PCDHA1: variants seen among roughly 807,000 people sequenced by gnomAD.
PCDHA1 encodes the protein protocadherin alpha 1, also known as protocadherin alpha-1.
Under a neutral mutation model 61.3 loss-of-function variants are expected in PCDHA1, and 42 were observed. That is an observed-to-expected ratio of 0.69 (90% confidence interval 0.54 to 0.89). The LOEUF (loss-of-function observed/expected upper bound fraction) is 0.89, where lower values mean the gene tolerates loss of function less well. Among genes scored for constraint, PCDHA1 ranks in the 40% least tolerant of loss-of-function variants. The pLI is 0.00. For synonymous variants in PCDHA1, 610 were observed against 553.8 expected (o/e 1.10, Z -1.43); for missense variants, 1,256 against 1,235.3 (o/e 1.02, Z -0.25).
intron 1 of PCDHA1, chr5:140,876,735 T>C (rs782576636): frequency 2.0e-5 from 33 of 1,614,084 alleles, no homozygotes; most frequent in Non-Finnish European, 2.7e-5. Context: ...TGTCGGCCTA[T>C]GAGCTGGTGG....
At chr5:140,902,540 C>T (rs2069538388) in intron 1 of PCDHA1, among the ~76,000 whole-genome samples, 1 of 151,900 alleles carries the variant, frequency 6.6e-6, no homozygotes, top group South Asian at 2.1e-4. Context: ...GAGGTATGTT[C>T]CTTCTATACC....
rs935200517 is a variant in PCDHA1, at chr5:140,786,533, T to C, written c.243T>C (p.Asn81=). The change falls in exon 1 of 4, where the codon AAT becomes AAC. Residue 81 remains asparagine, a synonymous_variant. Transcript: ENST00000504120. ...ACCTTCTGGAGGTAAATCTGCAGAA[T>C]GGCATTTTGTTTGTGAATTCTCGGA... ...HRDLLEVNLQ[N]GILFVNSRID... is the part of the protein sequence containing the mutation. 4 of 1,614,066 alleles carry C rather than the reference T, an allele frequency of 2.5e-6. No homozygotes were observed. The East Asian group carries it at 8.9e-5, about 36-fold the overall frequency.
In PCDHA1 at chr5:140,858,397, C is replaced by T. The variant is rs781916951; in HGVS notation, c.2394+69713C>T. On this transcript the variant is annotated intron_variant, in intron 1 of 3. Coordinates refer to ENST00000504120, the MANE Select transcript of PCDHA1 (RefSeq NM_018900.4). ...CACCATGCCCAATGGTAGATGTGGA[C>T]GGGGAAGATCAGTCTATTGGAGGGG... is the stretch of plus-strand genomic sequence containing the variant. 2.5e-6 allele frequency: 4 copies of T among 1,573,184 alleles called. No individual in the cohort carries two copies. In the South Asian group the frequency reaches 4.5e-5, roughly 18 times the overall value.
rs1554168160 is a variant in PCDHA1 at position 140,875,992 on chromosome 5, CT to C, written c.2394+87309del. 5 of 1,613,752 alleles carry C rather than the reference CT, an allele frequency of 3.1e-6. No homozygotes were observed. In the Admixed American group the frequency reaches 8.3e-5, roughly 27 times the overall value. On this transcript the variant is annotated intron_variant, in intron 1 of 3. Transcript: ENST00000504120. ...CTCTCTTTTGACCTATGCGTTAAGT[CT>C]AAATGAGAATTTTGAGCTTAAAATA...
chr5:140,967,986 C>A, intron 1 of PCDHA1: 1 of 1,614,226 alleles, frequency 6.2e-7, no homozygotes, highest in Non-Finnish European at 8.5e-7. Flanking sequence ...CTGGAGGCCA[C>A]ACTGCCTTTC....
chr5:140,872,861 C>T (rs1554166414), intron 1 of PCDHA1, among the ~76,000 whole-genome samples: 1 of 152,182 alleles, frequency 6.6e-6, no homozygotes, highest in African/African-American at 2.4e-5. Context: ...TGAGTACCTA[C>T]TGACAATTAT....
chr5:140,968,134 G>C, intron 1 of PCDHA1: 1 of 1,614,146 alleles, frequency 6.2e-7, no homozygotes, highest in Non-Finnish European at 8.5e-7. Context: ...GTACACTGAA[G>C]GTTGAGATCT....
intron 1 of PCDHA1, chr5:140,801,634 G>T (rs781799825): frequency 1.9e-6 from 3 of 1,614,002 alleles, no homozygotes; most frequent in South Asian, 2.2e-5. Flanking sequence ...TCCGAATCCC[G>T]ACAGCCTGGC....
At chr5:140,815,346 G>A (rs2126663350) in intron 1 of PCDHA1, 1 of 151,614 alleles carries the variant, frequency 6.6e-6, no homozygotes, top group Non-Finnish European at 1.5e-5. Flanking sequence ...GTTTTCTTTT[G>A]TATATCTTCC....
At chr5:140,825,720 C>T (rs1554130338) in intron 1 of PCDHA1, 1 of 152,170 alleles carries the variant, frequency 6.6e-6, no homozygotes, top group African/African-American at 2.4e-5. Flanking sequence ...TCGCGCCTGG[C>T]CTAAATTATT....
intron 1 of PCDHA1, chr5:140,824,167 T>G: frequency 6.2e-7 from 1 of 1,610,732 alleles, no homozygotes; most frequent in Non-Finnish European, 8.5e-7. Flanking sequence ...TCCCTCCCAA[T>G]TTTCAAATAT....
chr5:140,982,331 G>A lies in PCDHA1; in HGVS notation c.2454-144G>A, dbSNP rs1422921231. On this transcript the variant is annotated intron_variant, in intron 2 of 3. Coordinates refer to ENST00000504120, the MANE Select transcript of PCDHA1 (RefSeq NM_018900.4). ...GCAGTTTATGCAGGGTGACTGCTCA[G>A]CAGTAATTGCTTCAGTTCAAGCATG... The A allele has an allele frequency of 6.3e-6, 9 of 1,431,750 alleles. No individual in the cohort carries two copies. In the Admixed American group the frequency reaches 1.6e-4, roughly 26 times the overall value. 88.7% of individuals were successfully genotyped at this position (1,431,750 alleles called of 1,614,324 possible).
At chr5:140,946,588 A>G (rs2093966025) in intron 1 of PCDHA1, among the ~76,000 whole-genome samples, 1 of 147,134 alleles carries the variant, frequency 6.8e-6, no homozygotes, top group South Asian at 2.1e-4. Context: ...TTCATAGTGG[A>G]TGAATAGATA....
intron 1 of PCDHA1, chr5:140,927,761 G>C (rs1554205028): frequency 6.2e-7 from 1 of 1,614,102 alleles, no homozygotes. Flanking sequence ...CACCCTAAAA[G>C]TGGGGAGGTG....
intron 3 of PCDHA1, among the ~76,000 whole-genome samples, chr5:140,992,036 TG>T (rs2097488420): frequency 6.6e-6 from 1 of 151,818 alleles, no homozygotes; most frequent in African/African-American, 2.4e-5. Flanking sequence ...TGTGTGTGTG[TG>T]TGTGTGTGTG....
chr5:140,846,192 T>C (rs1293745593), intron 1 of PCDHA1, among the ~76,000 whole-genome samples: 1 of 149,496 alleles, frequency 6.7e-6, no homozygotes, highest in Non-Finnish European at 1.5e-5. Flanking sequence ...TTGAGTTCTT[T>C]GTATGTATGA....
At chr5:140,972,296 T>C (rs1303430452) in intron 1 of PCDHA1, among the ~76,000 whole-genome samples, 2 of 151,468 alleles carry the variant, frequency 1.3e-5, no homozygotes, top group Non-Finnish European at 2.9e-5. Flanking sequence ...TGCGCCACCG[T>C]GTCTGACTAG....
chr5:140,856,715 G>C, intron 1 of PCDHA1: 2 of 1,596,442 alleles, frequency 1.3e-6, no homozygotes, highest in African/African-American at 1.3e-5. Flanking sequence ...TGAATTTACC[G>C]GATCTGTTTC....
chr5:140,889,417 A>G (rs2062219100), intron 1 of PCDHA1, among the ~76,000 whole-genome samples: 1 of 152,040 alleles, frequency 6.6e-6, no homozygotes. Context: ...TCAGTTACGT[A>G]GATAATATTT....
Sources: allele counts gnomAD v4.1 joint callset (sites outside exome capture counted in the v4.1 genomes callset), GRCh38; gene constraint gnomAD v4.1.1; transcripts MANE v1.5; gene names NCBI Gene and HGNC (gene_info 2026-07-23, HGNC 2026-07-21).